Variants in LDLRAD3 observed in about 807,000 individuals in gnomAD.
LDLRAD3 encodes the protein low-density lipoprotein receptor class A domain-containing protein 3.
Under a neutral mutation model 29.4 loss-of-function variants are expected in LDLRAD3, and 20 were observed. That is an observed-to-expected ratio of 0.68 (90% CI 0.48 to 0.99). The LOEUF (loss-of-function observed/expected upper bound fraction) is 0.99, where lower values mean the gene tolerates loss of function less well. Among genes scored for constraint, LDLRAD3 ranks in the 50% least tolerant of loss-of-function variants. The probability of loss-of-function intolerance (pLI) is 0.00; values close to 1 mark genes in which losing one functional copy is unlikely to be tolerated. For synonymous variants in LDLRAD3, 157 were observed against 192.7 expected (o/e 0.81, Z 1.53); for missense variants, 420 against 454.3 (o/e 0.92, Z 0.69).
intron 3 of LDLRAD3, among the ~76,000 whole-genome samples, chr11:36,097,044 GTGT>G (rs1483150278): frequency 1.3e-5 from 2 of 152,210 alleles, no homozygotes; most frequent in African/African-American, 2.4e-5. Context: ...ATTTGCTGTT[GTGT>G]TGTTAAGTAG....
intron 4 of LDLRAD3, among the ~76,000 whole-genome samples, chr11:36,151,119 G>A (rs1462273221): frequency 6.6e-6 from 1 of 152,122 alleles, no homozygotes; most frequent in Non-Finnish European, 1.5e-5. Context: ...GCCCTCACCA[G>A]TCTAGCCAGG....
At chr11:36,132,444 AAC>A (rs1853940458) in intron 4 of LDLRAD3, among the ~76,000 whole-genome samples, 1 of 152,192 alleles carries the variant, frequency 6.6e-6, no homozygotes, top group Non-Finnish European at 1.5e-5. Flanking sequence ...CTGTGTGCCC[AAC>A]ACTGTTCTTA....
At chr11:36,157,112 T>C (rs555924388) in intron 4 of LDLRAD3, among the ~76,000 whole-genome samples, 2 of 152,298 alleles carry the variant, frequency 1.3e-5, no homozygotes, top group African/African-American at 4.8e-5. Context: ...AAGGGCAATC[T>C]TTTGGTCTCC....
At chr11:36,114,999 A>C (rs4756283) in intron 4 of LDLRAD3, among the ~76,000 whole-genome samples, 142,754 of 152,258 alleles carry the variant, frequency 0.94, 67,438 homozygotes, top group East Asian at 1. Context: ...ATTTCTACGA[A>C]TAGGATATAA....
chr11:36,036,244 A>G lies in LDLRAD3; in HGVS notation c.188A>G (p.Glu63Gly). The G allele has an allele frequency of 6.2e-7, 1 of 1,613,882 alleles. No individual in the cohort carries two copies. Among genetic ancestry groups the G allele is most frequent in the Non-Finnish European group, 8.5e-7 (1 of 1,179,950 alleles). ...TGCTTCGACAAGAGTGATGAGAAGG[A>G]GTGCCGTGAGTGGCCTGGCCCTTTG... The part of the protein sequence containing the change: ...PDCFDKSDEK[E>G]CPKAKSKCGP... The change falls in exon 2 of 6, where the codon GAG (glutamate) becomes GGG (glycine). Residue 63 changes from glutamate to glycine, a missense_variant. Transcript: ENST00000315571.
At chr11:36,125,622 A>T (rs1429582159) in intron 4 of LDLRAD3, among the ~76,000 whole-genome samples, 1 of 152,180 alleles carries the variant, frequency 6.6e-6, no homozygotes, top group Non-Finnish European at 1.5e-5. Flanking sequence ...AGACTGCTCC[A>T]TCTGAGATGA....
In LDLRAD3 at chr11:36,181,335, A is replaced by G. The variant is rs186050116; in HGVS notation, c.455-45750A>G. On this transcript the variant is annotated intron_variant, in intron 4 of 5. Transcript: ENST00000315571. ...TCTGTCTTTTTGCAGCTATTTTTCC[A>G]CAAATTACTGTGTCCTGAGCCCTGA... 5.1e-4 allele frequency among the ~76,000 whole-genome samples: 77 copies of G among 152,194 alleles called. 1 individual carries two copies. Among genetic ancestry groups the G allele is most frequent in the Middle Eastern group, 3.4e-3 (1 of 294 alleles).
intron 4 of LDLRAD3, among the ~76,000 whole-genome samples, chr11:36,138,357 C>G (rs968098530): frequency 6.6e-6 from 1 of 152,204 alleles, no homozygotes; most frequent in Non-Finnish European, 1.5e-5. Flanking sequence ...GGGAATAGAT[C>G]AGTTAGTTTT....
intron 4 of LDLRAD3, among the ~76,000 whole-genome samples, chr11:36,199,195 C>T (rs963809098): frequency 5.3e-5 from 8 of 152,112 alleles, no homozygotes; most frequent in East Asian, 1.9e-4. Flanking sequence ...CCACTGCGCC[C>T]GGCCACAGCA....
At chr11:36,169,530 A>T (rs1037544705) in intron 4 of LDLRAD3, among the ~76,000 whole-genome samples, 1 of 152,142 alleles carries the variant, frequency 6.6e-6, no homozygotes, top group Non-Finnish European at 1.5e-5. Context: ...CCCACATGTA[A>T]GTGAGAACAT....
intron 2 of LDLRAD3, among the ~76,000 whole-genome samples, chr11:36,072,414 A>T (rs1852921372): frequency 6.6e-6 from 1 of 152,170 alleles, no homozygotes; most frequent in African/African-American, 2.4e-5. Flanking sequence ...ATCCTCCAGG[A>T]CCTTGAGCAG....
chr11:36,085,293 G>A (rs886959809), intron 3 of LDLRAD3, among the ~76,000 whole-genome samples: 6 of 149,550 alleles, frequency 4.0e-5, no homozygotes, highest in East Asian at 1.9e-4. Context: ...ATTTACAGTC[G>A]TTCAAGTTGT....
At chr11:36,043,731 T>A (rs1021261264) in intron 2 of LDLRAD3, among the ~76,000 whole-genome samples, 4 of 152,140 alleles carry the variant, frequency 2.6e-5, no homozygotes, top group Non-Finnish European at 5.9e-5. Flanking sequence ...GAGTGAGATG[T>A]CCGGTTTTTT....
In LDLRAD3 at chr11:36,213,955, A is replaced by C. The variant is rs1250308018; in HGVS notation, c.455-13130A>C. ...ACAGAAGCAAGCTCACAGTCGCTTC[A>C]CTCGGCTCAAATTTAAAACAGTCTT... On this transcript the variant is annotated intron_variant, in intron 4 of 5. Transcript: ENST00000315571. This position sits in a 1 kb window ranked among gnomAD's most constrained non-coding sequence, Gnocchi z 4.1. Among the ~76,000 whole-genome samples, 3 of 152,156 alleles carry C rather than the reference A, an allele frequency of 2.0e-5. No individual in the cohort carries two copies. The highest frequency in any genetic ancestry group is 4.4e-5 in the Non-Finnish European group (3 of 68,030).
chr11:36,129,236 C>A (rs1318216605), intron 4 of LDLRAD3, among the ~76,000 whole-genome samples: 2 of 152,156 alleles, frequency 1.3e-5, no homozygotes, highest in Non-Finnish European at 2.9e-5. Context: ...ACACTATTAG[C>A]CCTTTTCTAA....
At chr11:36,111,323 T>C (rs1320734977) in intron 4 of LDLRAD3, among the ~76,000 whole-genome samples, 1 of 152,054 alleles carries the variant, frequency 6.6e-6, no homozygotes, top group East Asian at 1.9e-4. Context: ...TTTGGGAAGC[T>C]CAGTGACCAT....
intron 4 of LDLRAD3, among the ~76,000 whole-genome samples, chr11:36,149,684 G>A (rs1854248386): frequency 6.6e-6 from 1 of 152,216 alleles, no homozygotes; most frequent in Admixed American, 6.5e-5. Flanking sequence ...TGCCACGTTT[G>A]TCTCAGTTGG....
At chr11:36,108,612 T>C (rs576000781) in intron 4 of LDLRAD3, among the ~76,000 whole-genome samples, 41 of 151,870 alleles carry the variant, frequency 2.7e-4, no homozygotes, top group African/African-American at 9.4e-4. Flanking sequence ...ACCAGAAGGA[T>C]GGGGAAGAGT....
At chr11:36,105,749 G>A (rs898908392) in intron 4 of LDLRAD3, among the ~76,000 whole-genome samples, 12 of 152,168 alleles carry the variant, frequency 7.9e-5, no homozygotes, top group East Asian at 1.9e-4. Context: ...GCCCTCTGAA[G>A]GAGCCAACCC....
Sources: allele counts gnomAD v4.1 joint callset (sites outside exome capture counted in the v4.1 genomes callset), GRCh38; gene constraint gnomAD v4.1.1; non-coding constraint Gnocchi (gnomAD v3.1); transcripts MANE v1.5; gene names NCBI Gene and HGNC (gene_info 2026-07-23, HGNC 2026-07-21).